GSE1: variants seen among roughly 807,000 people sequenced by gnomAD.
The protein encoded by GSE1 is Gse1 coiled-coil protein.
GSE1 carries 32 observed loss-of-function variants against 112.6 expected under a neutral mutation model. The ratio of observed to expected loss-of-function variants is 0.28; its 90% CI spans 0.21 to 0.38. The LOEUF is 0.38. GSE1 is among the 10% of genes least tolerant of loss of function. The pLI is 1.00. For missense variants in GSE1, 2,348 were observed against 1,699.2 expected (o/e 1.38, Z -6.71); for synonymous variants, 1,115 against 735.6 (o/e 1.52, Z -8.35).
At chr16:85,427,364 G>T (rs777510596) in intron 2 of GSE1, among the ~76,000 whole-genome samples, 1 of 152,190 alleles carries the variant, frequency 6.6e-6, no homozygotes, top group South Asian at 2.1e-4. Flanking sequence ...GTTTTAGGCC[G>T]GGCGCAGGGG....
intron 1 of GSE1, among the ~76,000 whole-genome samples, chr16:85,199,051 T>G (rs1046318138): frequency 5.9e-5 from 9 of 152,140 alleles, no homozygotes; most frequent in Non-Finnish European, 2.9e-5. Flanking sequence ...TTCAAGTGAT[T>G]CTGCTGCCTC....
chr16:85,624,180 C>T (rs1408036868), intron 1 of GSE1, among the ~76,000 whole-genome samples: 1 of 152,202 alleles, frequency 6.6e-6, no homozygotes, highest in African/African-American at 2.4e-5. Flanking sequence ...CAGTGCCCGC[C>T]CTGGGGTGGG....
intron 1 of GSE1, among the ~76,000 whole-genome samples, chr16:85,238,054 A>G (rs532639568): frequency 6.6e-6 from 1 of 152,180 alleles, no homozygotes; most frequent in East Asian, 1.9e-4. Flanking sequence ...GGGGCAGTGG[A>G]GAGAGGAGGG....
At chr16:85,635,826 C>T (rs367818197) in intron 2 of GSE1, among the ~76,000 whole-genome samples, 1 of 152,214 alleles carries the variant, frequency 6.6e-6, no homozygotes, top group East Asian at 1.9e-4. Flanking sequence ...CTGCAGAGGA[C>T]GTGGTCAGGA....
chr16:85,489,263 C>T lies in GSE1; in HGVS notation c.2464+131620C>T, dbSNP rs942315276. Among the ~76,000 whole-genome samples the T allele has an allele frequency of 7.9e-4, 120 of 152,160 alleles. 1 individual carries two copies. The highest frequency in any genetic ancestry group is 2.4e-4 in the Non-Finnish European group (16 of 67,978). ...CTCTCCCTGCCCCCAGCCAGCCCCT[C>T]CCCATCCTGGATGGGCTGTTGAGCC... On this transcript the variant is annotated intron_variant, in intron 2 of 2. Coordinates refer to the GSE1 transcript ENST00000637419.
At chr16:85,434,345 A>AATCATC (rs1555511267) in intron 2 of GSE1, among the ~76,000 whole-genome samples, 1 of 143,460 alleles carries the variant, frequency 7.0e-6, no homozygotes, top group East Asian at 2.0e-4. Context: ...TAATAATAAT[A>AATCATC]ATCAGTGCCG....
At chr16:85,625,573 C>T (rs144823206) in intron 1 of GSE1, among the ~76,000 whole-genome samples, 14 of 152,272 alleles carry the variant, frequency 9.2e-5, no homozygotes, top group Non-Finnish European at 1.2e-4. Flanking sequence ...GGACGTCTCC[C>T]GAGAGCTCTG....
upstream of GSE1, chr16:85,554,796 C>A (rs568949796): frequency 1.3e-3 from 853 of 656,302 alleles, 1 homozygote; most frequent in Admixed American, 0.016. Context: ...GGAGGGAGGA[C>A]GGACGGGCGG....
intron 2 of GSE1, among the ~76,000 whole-genome samples, chr16:85,520,615 G>A (rs1324632037): frequency 6.6e-6 from 1 of 151,832 alleles, no homozygotes; most frequent in East Asian, 1.9e-4. Context: ...TAGAGATGGG[G>A]TTTCACCATG....
At chr16:85,317,867 A>G (rs2046019318) in intron 1 of GSE1, among the ~76,000 whole-genome samples, 1 of 152,176 alleles carries the variant, frequency 6.6e-6, no homozygotes, top group Non-Finnish European at 1.5e-5. Flanking sequence ...GAGGGAAACT[A>G]TCGTGTGAAT....
At chr16:85,281,322 A>T (rs1245419303) in intron 1 of GSE1, among the ~76,000 whole-genome samples, 1 of 151,884 alleles carries the variant, frequency 6.6e-6, no homozygotes, top group African/African-American at 2.4e-5. Flanking sequence ...AGCACTCTGG[A>T]TGGTGACGTT....
At chr16:85,370,282 C>A (rs1003004084) in intron 2 of GSE1, among the ~76,000 whole-genome samples, 1 of 152,198 alleles carries the variant, frequency 6.6e-6, no homozygotes, top group Non-Finnish European at 1.5e-5. Flanking sequence ...GAGCAACGCA[C>A]CCCAGGAGAT....
Position 85,661,738 on chromosome 16 carries a change from C to G in GSE1, c.2233C>G (p.Arg745Gly), listed in dbSNP as rs780972235. 2 of 1,556,854 alleles carry G rather than the reference C, an allele frequency of 1.3e-6. No individual in the cohort carries two copies. Among genetic ancestry groups the G allele is most frequent in the East Asian group, 2.3e-5 (1 of 42,738 alleles). ...RLVSKLDLEE[R>G]RRREAQEKGY... ...GGTCAGCAAGCTGGACCTGGAGGAG[C>G]GCAGGCGGCGGGAGGCCCAGGAGAA... The change falls in exon 9 of 16, where the codon CGC (arginine) becomes GGC (glycine). Residue 745 changes from arginine (R) to glycine (G), a missense_variant. By Grantham distance (125) the Arg-to-Gly change is moderately radical. Coordinates refer to ENST00000253458, the MANE Select transcript of GSE1 (RefSeq NM_014615.5).
intron 1 of GSE1, among the ~76,000 whole-genome samples, chr16:85,568,135 C>T (rs746562396): frequency 5.0e-4 from 76 of 152,232 alleles, no homozygotes; most frequent in Non-Finnish European, 1.3e-4. Flanking sequence ...ACATGCTCCA[C>T]CCACCCACAT....
intron 1 of GSE1, among the ~76,000 whole-genome samples, chr16:85,603,716 G>A (rs1251642555): frequency 6.6e-6 from 1 of 152,092 alleles, no homozygotes; most frequent in Admixed American, 6.6e-5. Flanking sequence ...TATATTGCCT[G>A]AGCTGGTCTC....
At chr16:85,658,744 C>A (rs990055549) in intron 8 of GSE1, among the ~76,000 whole-genome samples, 2 of 152,228 alleles carry the variant, frequency 1.3e-5, no homozygotes, top group African/African-American at 4.8e-5. Context: ...GGACTGAGGG[C>A]AGCCAGCTCC....
intron 1 of GSE1, among the ~76,000 whole-genome samples, chr16:85,345,934 G>C (rs2046724769): frequency 6.6e-6 from 1 of 150,806 alleles, no homozygotes; most frequent in Admixed American, 6.6e-5. Context: ...TGGATGGACA[G>C]ATAGATAGAT....
chr16:85,433,896 A>C (rs777639421), intron 2 of GSE1, among the ~76,000 whole-genome samples: 1 of 152,114 alleles, frequency 6.6e-6, no homozygotes, highest in Admixed American at 6.5e-5. Flanking sequence ...GATGTTGGTT[A>C]GATGACTAGA....
chr16:85,310,664 G>A (rs528623815), intron 1 of GSE1, among the ~76,000 whole-genome samples: 1 of 152,230 alleles, frequency 6.6e-6, no homozygotes, highest in East Asian at 1.9e-4. Context: ...CAGGGAGGGA[G>A]GGAGGGAGCA....
Sources: allele counts gnomAD v4.1 joint callset (sites outside exome capture counted in the v4.1 genomes callset), GRCh38; gene constraint gnomAD v4.1.1; transcripts MANE v1.5; gene names NCBI Gene and HGNC (gene_info 2026-07-23, HGNC 2026-07-21).